Variants in NCOA5 observed in about 807,000 individuals in gnomAD.
NCOA5 encodes the protein nuclear receptor coactivator 5.
In NCOA5, 12 loss-of-function variants were observed where a neutral mutation model predicts 59.0. The observed-to-expected ratio is 0.20, with a 90% confidence interval of 0.13 to 0.33. The LOEUF (loss-of-function observed/expected upper bound fraction) is 0.33. NCOA5 is among the 10% of genes least tolerant of loss of function. The pLI, the probability that NCOA5 is intolerant of heterozygous loss-of-function variation, is 1.00. For synonymous variants in NCOA5, 270 were observed against 275.5 expected, an observed-to-expected ratio of 0.98 and a Z score of 0.20; for missense variants, 655 against 766.6, an observed-to-expected ratio of 0.85 and a Z score of 1.72.
At chr20:46,071,553 A>C (rs1046385530) in intron 2 of NCOA5, among the ~76,000 whole-genome samples, 16 of 152,224 alleles carry the variant, frequency 1.1e-4, no homozygotes, top group Non-Finnish European at 1.3e-4. Context: ...CAATTCATTC[A>C]ACACATAAAT....
intron 1 of NCOA5, among the ~76,000 whole-genome samples, chr20:46,080,848 T>C (rs144806891): frequency 2.0e-3 from 297 of 152,256 alleles, no homozygotes; most frequent in Non-Finnish European, 3.1e-3. Flanking sequence ...ACTTGGCCAG[T>C]AATATCTGAC....
chr20:46,088,332 A>G (rs368601849), intron 1 of NCOA5, among the ~76,000 whole-genome samples: 1 of 152,262 alleles, frequency 6.6e-6, no homozygotes, highest in Non-Finnish European at 1.5e-5. Flanking sequence ...TTTCAAAGGC[A>G]ATCTGAAGAG....
intron 1 of NCOA5, among the ~76,000 whole-genome samples, chr20:46,086,621 A>C (rs1600636461): frequency 6.6e-6 from 1 of 152,194 alleles, no homozygotes; most frequent in Non-Finnish European, 1.5e-5. Flanking sequence ...TGACAGTTTA[A>C]CTCTGCTTAA....
chr20:46,076,853 C>T (rs2084943342), intron 2 of NCOA5, among the ~76,000 whole-genome samples: 1 of 152,140 alleles, frequency 6.6e-6, no homozygotes, highest in African/African-American at 2.4e-5. Flanking sequence ...CAATTGATTT[C>T]TGAGGAAGGT....
At chr20:46,087,042 C>T (rs1199114637) in intron 1 of NCOA5, among the ~76,000 whole-genome samples, 2 of 152,154 alleles carry the variant, frequency 1.3e-5, no homozygotes, top group Non-Finnish European at 2.9e-5. Flanking sequence ...AGAAATCTAA[C>T]CTCTTTGAGT....
Position 46,062,178 on chromosome 20 carries a change from T to C in NCOA5, c.*122A>G, listed in dbSNP as rs1011990916. ...CAGAAGAGAGAGCAGGTGGTAGAAA[T>C]TGATGACACTCGATGCCGGCCTGGG... On this transcript the variant is annotated 3_prime_UTR_variant, in exon 8 of 8. Transcript: ENST00000290231. 157 of 710,468 alleles carry C rather than the reference T, an allele frequency of 2.2e-4. No homozygotes were observed. Among genetic ancestry groups the C allele is most frequent in the Admixed American group, 8.5e-4 (29 of 34,192 alleles). 44.0% of individuals were successfully genotyped at this position (710,468 alleles called of 1,614,324 possible).
chr20:46,086,855 T>C (rs2085050737), intron 1 of NCOA5, among the ~76,000 whole-genome samples: 1 of 151,162 alleles, frequency 6.6e-6, no homozygotes, highest in African/African-American at 2.4e-5. Context: ...AAAGGCATCA[T>C]GATAACTTCC....
intron 1 of NCOA5, among the ~76,000 whole-genome samples, chr20:46,080,339 T>C (rs545926364): frequency 2.6e-5 from 4 of 152,328 alleles, no homozygotes; most frequent in African/African-American, 7.2e-5. Context: ...AGTTTTCATA[T>C]GACTTAAAGC....
rs2085054336 is a variant in NCOA5 at position 46,087,195 on chromosome 20, C to G, written c.-30+2622G>C. On this transcript the variant is annotated intron_variant, in intron 1 of 7. Coordinates refer to ENST00000290231, the MANE Select transcript of NCOA5 (RefSeq NM_020967.3). ...ACTACACTAAGAGTAACAGTGACTT[C>G]AGGAATAGACGTTTCATTCTTCACG... Among the ~76,000 whole-genome samples, 2 of 152,162 alleles carry G rather than the reference C, an allele frequency of 1.3e-5. 1 individual carries two copies. The highest frequency in any genetic ancestry group is 4.1e-4 in the South Asian group (2 of 4,830).
Position 46,070,243 on chromosome 20 carries a change from C to G in NCOA5, c.332G>C (p.Arg111Thr). Residue 111 changes from arginine (R) to threonine (T), a missense_variant, in exon 3 of 8, where the codon AGA (arginine) becomes ACA (threonine). Physicochemically the swap from Arg to Thr is moderately conservative, Grantham distance 71. Around this residue, in one of 3 missense-constraint regions of NCOA5, gnomAD observed 250 missense variants for 260.1 expected, o/e 0.96. Transcript: ENST00000290231. ...AGGATCTCGGGAGTCTCTCATGTCT[C>G]TGTATCTGTCGTACATGGGGTCTCG... ...DQRDPMYDRY[R>T]DMRDSRDPMY... 1 of 1,614,132 alleles carries G rather than the reference C, an allele frequency of 6.2e-7. No individual in the cohort carries two copies. The highest frequency in any genetic ancestry group is 8.5e-7 in the Non-Finnish European group (1 of 1,180,020).
intron 2 of NCOA5, among the ~76,000 whole-genome samples, chr20:46,073,196 A>G (rs1042823560): frequency 1.4e-5 from 2 of 144,752 alleles, no homozygotes; most frequent in African/African-American, 5.8e-5. Flanking sequence ...CCATGGTTAC[A>G]CACGTTAGGT....
intron 2 of NCOA5, among the ~76,000 whole-genome samples, chr20:46,075,567 C>T (rs920200303): frequency 2.0e-5 from 3 of 152,164 alleles, no homozygotes; most frequent in African/African-American, 7.2e-5. Flanking sequence ...CTCTGCAGAG[C>T]GTTGGATGCA....
intron 2 of NCOA5, among the ~76,000 whole-genome samples, chr20:46,073,967 T>C (rs557907414): frequency 1.3e-5 from 2 of 152,202 alleles, no homozygotes; most frequent in East Asian, 3.9e-4. Flanking sequence ...CTCAAGTGCC[T>C]TCAGGGTAAA....
At chr20:46,068,107 T>A (rs578150072) in intron 4 of NCOA5, among the ~76,000 whole-genome samples, 1 of 151,862 alleles carries the variant, frequency 6.6e-6, no homozygotes, top group Non-Finnish European at 1.5e-5. Flanking sequence ...ATTTTTGTAT[T>A]TTTTTTTGTA....
chr20:46,072,754 A>C (rs2084896571), intron 2 of NCOA5, among the ~76,000 whole-genome samples: 1 of 152,178 alleles, frequency 6.6e-6, no homozygotes, highest in African/African-American at 2.4e-5. Context: ...ATTCAATCAA[A>C]GTTTACTTTC....
chr20:46,085,626 G>A (rs2085037598), intron 1 of NCOA5, among the ~76,000 whole-genome samples: 1 of 152,146 alleles, frequency 6.6e-6, no homozygotes, highest in Non-Finnish European at 1.5e-5. Context: ...GTAAAGGAAT[G>A]GTGTGAAGGA....
intron 2 of NCOA5, 56 bp from the exon 3 acceptor site, chr20:46,070,592 T>C (rs2084872832): frequency 3.2e-6 from 5 of 1,543,476 alleles, no homozygotes; most frequent in Non-Finnish European, 4.4e-6. Context: ...AGCCAACCCA[T>C]CAGCTCTTCA....
In NCOA5 at chr20:46,062,477, G is replaced by A. The variant is rs772044771; in HGVS notation, c.1563C>T (p.Asn521=). 1 of 1,614,168 alleles carries A rather than the reference G, an allele frequency of 6.2e-7. No individual in the cohort carries two copies. The highest frequency in any genetic ancestry group is 8.5e-7 in the Non-Finnish European group (1 of 1,180,026). The change falls in exon 8 of 8, where the codon AAC becomes AAT. Residue 521 remains asparagine, a synonymous_variant. Transcript: ENST00000290231. ...AAGACACAGGCCTCTGGCTAGTCATGTTGCTAGCAGGTGCCAGGCGACTGG... is the reference window on the plus strand; with the variant it reads ...AAGACACAGGCCTCTGGCTAGTCATATTGCTAGCAGGTGCCAGGCGACTGG... The part of the protein sequence containing the change: ...QPSSRLAPAS[N]MTSQRPVSST...
intron 1 of NCOA5, among the ~76,000 whole-genome samples, chr20:46,080,104 T>C (rs568267419): frequency 5.6e-4 from 85 of 152,242 alleles, no homozygotes; most frequent in African/African-American, 1.6e-3. Context: ...TTTGGTATAG[T>C]AGGGTTAGGT....
Sources: gnomAD v4.1 joint callset for allele counts (sites outside exome capture counted in the v4.1 genomes callset) on GRCh38, gnomAD v4.1.1 for gene constraint, gnomAD v4.1.1 regional missense constraint, MANE v1.5 for transcripts, NCBI Gene and HGNC (gene_info 2026-07-23, HGNC 2026-07-21) for gene names.